AFF3: variants seen among roughly 807,000 people sequenced by gnomAD.
The protein encoded by AFF3 is AF4/FMR2 family member 3.
A neutral mutation model predicts 129.7 loss-of-function variants in AFF3; 32 were observed. The ratio of observed to expected loss-of-function variants is 0.25; its 90% CI spans 0.19 to 0.33. The LOEUF (loss-of-function observed/expected upper bound fraction) is 0.33, where lower values mean the gene tolerates loss of function less well. Among genes scored for constraint, AFF3 ranks in the 10% least tolerant of loss-of-function variants. The pLI is 1.00. For missense variants in AFF3, 1,373 were observed against 1,592.0 expected (o/e 0.86, Z 2.34); for synonymous variants, 644 against 635.4 (o/e 1.01, Z -0.20).
intron 13 of AFF3, among the ~76,000 whole-genome samples, chr2:99,640,938 C>G (rs193096783): frequency 6.6e-6 from 1 of 152,152 alleles, no homozygotes; most frequent in African/African-American, 2.4e-5. Context: ...GGATGCACTG[C>G]GTAACCGAAG....
rs182574172 is a variant in AFF3, at chr2:99,847,212, G to A, written c.874-9688C>T. On this transcript the variant is annotated intron_variant, in intron 7 of 24. Coordinates refer to ENST00000672756, the MANE Select transcript of AFF3 (RefSeq NM_001386135.1). ...TTCTTTTTGAGACAGAGTTTCGCTC[G>A]TTGGCCAGGCTGGAGTGCAATGGCG... Among the ~76,000 whole-genome samples, 10 of 151,964 alleles carry A rather than the reference G, an allele frequency of 6.6e-5. No homozygotes were observed. In the East Asian group the frequency reaches 1.6e-3, roughly 24 times the overall value.
At chr2:99,756,422 G>T (rs754699082) in intron 8 of AFF3, among the ~76,000 whole-genome samples, 7 of 152,194 alleles carry the variant, frequency 4.6e-5, no homozygotes, top group Non-Finnish European at 1.0e-4. Context: ...ATAAACAAAG[G>T]CTCTTAAGTG....
intron 14 of AFF3, among the ~76,000 whole-genome samples, chr2:99,601,078 G>A (rs1438600400): frequency 3.3e-5 from 5 of 152,274 alleles, no homozygotes; most frequent in African/African-American, 7.2e-5. Flanking sequence ...CTTCCCAGGC[G>A]GTGAGTGGCT....
intron 8 of AFF3, among the ~76,000 whole-genome samples, chr2:99,791,075 T>C (rs1685155991): frequency 6.6e-6 from 1 of 152,070 alleles, no homozygotes; most frequent in South Asian, 2.1e-4. Context: ...TCTAGACAGG[T>C]GATGTTCTAG....
chr2:99,918,381 TATGTTCTTAAAAACTCTCCTAAAAAAC>T (rs1695625186), intron 7 of AFF3, among the ~76,000 whole-genome samples: 1 of 152,180 alleles, frequency 6.6e-6, no homozygotes. Flanking sequence ...CATCACCTTC[TATGTTCTTAAAAACTCTCCTAAAAAAC>T]ATGTTCATTA....
rs563628593 is a variant in AFF3 at position 99,582,381 on chromosome 2, C to G, written c.2793+417G>C. ...GGGGTCCCCCACTGCAGCTGCGACACTGGCCAATAAGGGCAGAGTGGGGGC... is the reference window on the plus strand; with the variant it reads ...GGGGTCCCCCACTGCAGCTGCGACAGTGGCCAATAAGGGCAGAGTGGGGGC... On this transcript the variant is annotated intron_variant, in intron 17 of 24. Transcript: ENST00000672756. Among the ~76,000 whole-genome samples, 169 of 152,258 alleles carry G rather than the reference C, an allele frequency of 1.1e-3. 2 individuals are homozygous for G. Among genetic ancestry groups the G allele is most frequent in the South Asian group, 4.8e-3 (23 of 4,822 alleles).
At chr2:99,971,647 A>G (rs1194463236) in intron 7 of AFF3, among the ~76,000 whole-genome samples, 8 of 152,174 alleles carry the variant, frequency 5.3e-5, no homozygotes, top group Admixed American at 5.2e-4. Flanking sequence ...TGTAGTTTTG[A>G]TCCACTTTGT....
chr2:100,107,540 C>T (rs1445048250), intron 2 of AFF3: 2 of 981,834 alleles, frequency 2.0e-6, no homozygotes, highest in Non-Finnish European at 2.4e-6. Flanking sequence ...TTTGCTCATC[C>T]TATAGTGCTT....
At chr2:99,750,565 G>A (rs1681560126) in intron 9 of AFF3, among the ~76,000 whole-genome samples, 1 of 151,956 alleles carries the variant, frequency 6.6e-6, no homozygotes, top group Non-Finnish European at 1.5e-5. Context: ...CTACAGGTGT[G>A]CCACCATGCC....
chr2:99,874,081 G>A (rs1452514294), intron 7 of AFF3, among the ~76,000 whole-genome samples: 1 of 152,152 alleles, frequency 6.6e-6, no homozygotes, highest in Non-Finnish European at 1.5e-5. Context: ...GGAGGCTGAG[G>A]CAGGAGAATA....
chr2:99,735,592 A>C (rs1440385815), intron 10 of AFF3, among the ~76,000 whole-genome samples: 2 of 152,156 alleles, frequency 1.3e-5, no homozygotes, highest in Non-Finnish European at 2.9e-5. Flanking sequence ...TCCCAGGCTC[A>C]AGCGATTCTC....
intron 11 of AFF3, among the ~76,000 whole-genome samples, chr2:99,690,322 A>C (rs1470758084): frequency 6.9e-6 from 1 of 145,444 alleles, no homozygotes; most frequent in Admixed American, 6.9e-5. Flanking sequence ...CTGGGACTAC[A>C]GGCACCCGCC....
chr2:99,795,017 A>T (rs1477744722), intron 8 of AFF3, among the ~76,000 whole-genome samples: 1 of 152,206 alleles, frequency 6.6e-6, no homozygotes. Flanking sequence ...AAACCCTTCC[A>T]TGCTGACTAT....
intron 7 of AFF3, among the ~76,000 whole-genome samples, chr2:99,857,053 T>C (rs544623280): frequency 3.8e-4 from 58 of 152,008 alleles, no homozygotes; most frequent in Non-Finnish European, 6.3e-4. Context: ...AGACAAATAG[T>C]GTTCTAATTT....
intron 11 of AFF3, among the ~76,000 whole-genome samples, chr2:99,716,084 C>G (rs903145275): frequency 6.6e-6 from 1 of 152,088 alleles, no homozygotes; most frequent in Non-Finnish European, 1.5e-5. Flanking sequence ...GTAATTGACC[C>G]TTGACTTGAG....
intron 11 of AFF3, 94 bp from the exon 12 acceptor site, chr2:99,672,683 G>C: frequency 1.7e-6 from 2 of 1,192,484 alleles, no homozygotes; most frequent in Non-Finnish European, 2.4e-6. Context: ...GTTGTTATTA[G>C]AGCAACATTT....
At chr2:100,104,785 GGC>G (rs1691116017) in intron 3 of AFF3, 5 of 830,150 alleles carry the variant, frequency 6.0e-6, no homozygotes, top group Non-Finnish European at 5.5e-6. Context: ...GCGGCGGCCC[GGC>G]CCGCTGCTGC....
chr2:99,946,585 T>A (rs774709662), intron 7 of AFF3, among the ~76,000 whole-genome samples: 13 of 142,374 alleles, frequency 9.1e-5, no homozygotes, highest in Non-Finnish European at 1.7e-4. Context: ...AATTTCCCCA[T>A]ACCCCCAAAC....
intron 7 of AFF3, among the ~76,000 whole-genome samples, chr2:99,951,715 G>A (rs974102859): frequency 1.3e-5 from 2 of 152,034 alleles, no homozygotes; most frequent in African/African-American, 2.4e-5. Context: ...GCGCAATCTC[G>A]GCTCACTGCA....
Sources: allele counts gnomAD v4.1 joint callset (sites outside exome capture counted in the v4.1 genomes callset), GRCh38; gene constraint gnomAD v4.1.1; transcripts MANE v1.5; gene names NCBI Gene and HGNC (gene_info 2026-07-23, HGNC 2026-07-21).